Variants in PINX1 observed in about 807,000 individuals in gnomAD.
PINX1 encodes the protein PIN2/TERF1-interacting telomerase inhibitor 1.
PINX1 carries 34 observed loss-of-function variants against 25.4 expected under a neutral mutation model. The observed-to-expected ratio is 1.34, with a 90% CI of 1.02 to 1.78. The LOEUF is 1.78. PINX1 is among the 40% of genes most tolerant of loss of function. PINX1 has a pLI of 0.00. For missense variants in PINX1, 592 were observed against 404.9 expected (o/e 1.46, Z -3.97); for synonymous variants, 197 against 147.7 (o/e 1.33, Z -2.42).
Position 10,818,067 on chromosome 8 carries a change from G to A in PINX1, c.471+2126C>T, listed in dbSNP as rs370790494. Among the ~76,000 whole-genome samples the A allele has an allele frequency of 1.1e-3, 174 of 152,292 alleles. 3 individuals are homozygous for A. The South Asian group carries it at 0.033, about 29-fold the overall frequency. On this transcript the variant is annotated intron_variant, in intron 6 of 6. Coordinates refer to ENST00000314787, the MANE Select transcript of PINX1 (RefSeq NM_017884.6). ...AAAGCTCATTAGGCAATGCCAGGAC[G>A]ACCTTGTTGAGAACTATGGCTACAG...
intron 1 of PINX1, among the ~76,000 whole-genome samples, 188 bp from the exon 2 acceptor site, chr8:10,834,963 A>C (rs1209787274): frequency 6.6e-6 from 1 of 152,236 alleles, no homozygotes; most frequent in African/African-American, 2.4e-5. Flanking sequence ...TTCCCTAATA[A>C]ATGTATATTC....
At chr8:10,796,389 T>C (rs1244464020) in intron 6 of PINX1, among the ~76,000 whole-genome samples, 1 of 151,884 alleles carries the variant, frequency 6.6e-6, no homozygotes, top group Admixed American at 6.6e-5. Flanking sequence ...ATCCGATGAG[T>C]TCCATTTCTA....
At chr8:10,814,169 G>C (rs1016281448) in intron 6 of PINX1, among the ~76,000 whole-genome samples, 1 of 152,146 alleles carries the variant, frequency 6.6e-6, no homozygotes, top group Non-Finnish European at 1.5e-5. Flanking sequence ...CTCCAAACCA[G>C]TTATTATCTT....
intron 6 of PINX1, among the ~76,000 whole-genome samples, chr8:10,811,714 A>C (rs774183077): frequency 6.6e-6 from 1 of 152,142 alleles, no homozygotes; most frequent in Admixed American, 6.5e-5. Context: ...TGGTCTCTCC[A>C]CGGGGGCTTG....
intron 4 of PINX1, among the ~76,000 whole-genome samples, chr8:10,828,348 C>G (rs1798120163): frequency 6.6e-6 from 1 of 152,224 alleles, no homozygotes; most frequent in South Asian, 2.1e-4. Context: ...GCGGCTCCTA[C>G]CGACTGCAAG....
intron 5 of PINX1, among the ~76,000 whole-genome samples, chr8:10,824,730 T>C (rs75044669): frequency 0.023 from 3,516 of 152,306 alleles, 158 homozygotes; most frequent in African/African-American, 0.08. Context: ...ATTCTACCTG[T>C]AAAAGTGAAA....
chr8:10,774,398 C>T (rs1177285352), intron 6 of PINX1, among the ~76,000 whole-genome samples: 1 of 152,014 alleles, frequency 6.6e-6, no homozygotes, highest in East Asian at 1.9e-4. Context: ...TCTCCTGCCT[C>T]AGCCTCCCGA....
chr8:10,800,761 C>T (rs190494723), intron 6 of PINX1, among the ~76,000 whole-genome samples: 8 of 152,312 alleles, frequency 5.3e-5, no homozygotes, highest in South Asian at 2.1e-4. Flanking sequence ...TAAGTCACTA[C>T]GCCCGGCCAA....
chr8:10,824,058 A>G (rs1797959549), intron 5 of PINX1, among the ~76,000 whole-genome samples: 1 of 151,990 alleles, frequency 6.6e-6, no homozygotes, highest in Non-Finnish European at 1.5e-5. Flanking sequence ...CCCACTGGCG[A>G]AAATCTTTAT....
chr8:10,771,120 A>T (rs991313689), intron 6 of PINX1: 3 of 152,238 alleles, frequency 2.0e-5, no homozygotes, highest in African/African-American at 7.2e-5. Context: ...TTGACAGAAC[A>T]TTCTGTACCT....
At chr8:10,766,034 C>T (rs528773723) in intron 6 of PINX1, 118 bp from the exon 7 acceptor site, 38 of 906,524 alleles carry the variant, frequency 4.2e-5, no homozygotes, top group South Asian at 4.8e-5. Context: ...CGCTCACACC[C>T]GGCACCCACA....
chr8:10,793,546 C>G (rs1379135978), intron 6 of PINX1, among the ~76,000 whole-genome samples: 1 of 152,220 alleles, frequency 6.6e-6, no homozygotes, highest in Non-Finnish European at 1.5e-5. Context: ...CAGCATGCAG[C>G]CCACCCGCCA....
chr8:10,807,744 G>C (rs1027631823), intron 6 of PINX1, among the ~76,000 whole-genome samples: 1 of 152,200 alleles, frequency 6.6e-6, no homozygotes, highest in African/African-American at 2.4e-5. Context: ...ATCTGCCACA[G>C]TATTAATAGA....
At chr8:10,778,847 C>A (rs1167884523) in intron 6 of PINX1, among the ~76,000 whole-genome samples, 1 of 152,056 alleles carries the variant, frequency 6.6e-6, no homozygotes, top group Non-Finnish European at 1.5e-5. Flanking sequence ...TTGTTTTGTC[C>A]CAGATTGTCC....
At chr8:10,808,831 A>G (rs549083601) in intron 6 of PINX1, among the ~76,000 whole-genome samples, 1 of 152,364 alleles carries the variant, frequency 6.6e-6, no homozygotes, top group African/African-American at 2.4e-5. Flanking sequence ...TCTCATATCT[A>G]AACTCCTATA....
intron 3 of PINX1, 66 bp from the exon 4 acceptor site, chr8:10,831,809 C>T (rs1798235482): frequency 2.3e-6 from 2 of 878,622 alleles, no homozygotes; most frequent in African/African-American, 1.7e-5. Context: ...TGAGATGATA[C>T]ATTTTGGAAT....
intron 6 of PINX1, among the ~76,000 whole-genome samples, chr8:10,802,905 T>C (rs78946388): frequency 0.24 from 35,950 of 152,074 alleles, 4,364 homozygotes; most frequent in East Asian, 0.33. Flanking sequence ...AGAAGACTTA[T>C]TGAAAGGATT....
intron 6 of PINX1, among the ~76,000 whole-genome samples, chr8:10,809,725 A>G (rs1283970826): frequency 2.6e-5 from 4 of 152,376 alleles, no homozygotes; most frequent in Non-Finnish European, 1.5e-5. Context: ...GTCCACTGAC[A>G]GCACACTCAT....
intron 6 of PINX1, among the ~76,000 whole-genome samples, chr8:10,807,677 A>T (rs1240125904): frequency 6.6e-6 from 1 of 152,224 alleles, no homozygotes; most frequent in Admixed American, 6.5e-5. Flanking sequence ...CACTAGAGTA[A>T]TACCTTCAAA....
Sources: gnomAD v4.1 joint callset for allele counts (sites outside exome capture counted in the v4.1 genomes callset) on GRCh38, gnomAD v4.1.1 for gene constraint, MANE v1.5 for transcripts, NCBI Gene and HGNC (gene_info 2026-07-23, HGNC 2026-07-21) for gene names.